RCC1: variants seen among roughly 807,000 people sequenced by gnomAD.
RCC1 encodes the protein regulator of chromosome condensation 1, also known as regulator of chromosome condensation.
In RCC1, 11 loss-of-function variants were observed where a neutral mutation model predicts 44.4. The observed-to-expected ratio is 0.25, with a 90% confidence interval of 0.16 to 0.41. The LOEUF (loss-of-function observed/expected upper bound fraction) is 0.41. RCC1 is among the 10% of genes least tolerant of loss of function. The pLI is 1.00. For missense variants in RCC1, 386 were observed against 547.1 expected, an observed-to-expected ratio of 0.71 and a Z score of 2.94; for synonymous variants, 213 against 216.5, an observed-to-expected ratio of 0.98 and a Z score of 0.14.
In RCC1 at chr1:28,538,565, A is replaced by G. The variant is rs545875372; in HGVS notation, c.*558A>G. Reference sequence around the variant, plus strand: ...AATATTTGGCTCAGAACAGGTGTCCATGGGACAAAAAAGAACGATCCTCCA... The same window carrying G: ...AATATTTGGCTCAGAACAGGTGTCCGTGGGACAAAAAAGAACGATCCTCCA... On this transcript the variant is annotated 3_prime_UTR_variant, in exon 13 of 13. Coordinates refer to ENST00000683442, the MANE Select transcript of RCC1 (RefSeq NM_001381865.2). 2 of 152,402 alleles carry G rather than the reference A, an allele frequency of 1.3e-5. No individual in the cohort carries two copies. The highest frequency in any genetic ancestry group is 4.8e-5 in the African/African-American group (2 of 41,590). The allele number at this position is 152,402 out of a possible 1,614,324, so 9.4% of individuals were successfully genotyped here. A position where few individuals can be genotyped will look rare whatever the true frequency, so the allele number is the denominator to read the frequency against.
In RCC1 at chr1:28,529,260, C is replaced by T. The variant is rs542277482; in HGVS notation, c.-9-598C>T. On this transcript the variant is annotated intron_variant, in intron 4 of 12. Transcript: ENST00000683442. Reference sequence around the variant, plus strand: ...GTGCAGTGGCTCGATCTTGGCTCACCACAACCTCCACCTCGCGGGTTCAAG... The same window carrying T: ...GTGCAGTGGCTCGATCTTGGCTCACTACAACCTCCACCTCGCGGGTTCAAG... Among the ~76,000 whole-genome samples the T allele has an allele frequency of 8.1e-5, 12 of 148,002 alleles. 1 individual carries two copies. In the South Asian group the frequency reaches 2.6e-3, roughly 32 times the overall value.
At chr1:28,522,356 T>G (rs934002715) in intron 4 of RCC1, among the ~76,000 whole-genome samples, 1 of 151,874 alleles carries the variant, frequency 6.6e-6, no homozygotes, top group African/African-American at 2.4e-5. Context: ...GAAGGGAGGA[T>G]GTGATAGATA....
Position 28,538,204 on chromosome 1 carries a change from T to G in RCC1, c.*197T>G. On this transcript the variant is annotated 3_prime_UTR_variant, in exon 13 of 13. Coordinates refer to ENST00000683442, the MANE Select transcript of RCC1 (RefSeq NM_001381865.2). ...TGGAATTTTCCTGGGACCTACAGAA[T>G]AAAGGGGGGGATGGACAGGGGGTTT... is the stretch of plus-strand genomic sequence containing the variant. 6 of 377,344 alleles carry G rather than the reference T, an allele frequency of 1.6e-5. No individual in the cohort carries two copies. Among genetic ancestry groups the G allele is most frequent in the East Asian group, 5.6e-5 (1 of 17,766 alleles). 23.4% of individuals were successfully genotyped at this position (377,344 alleles called of 1,614,324 possible).
intron 4 of RCC1, among the ~76,000 whole-genome samples, chr1:28,525,770 C>T (rs896839368): frequency 6.6e-6 from 1 of 152,140 alleles, no homozygotes; most frequent in African/African-American, 2.4e-5. Flanking sequence ...AGTTCTCCTT[C>T]CCCAGGATAA....
chr1:28,507,362 T>C, intron 1 of RCC1: 1 of 519,076 alleles, frequency 1.9e-6, no homozygotes, highest in Non-Finnish European at 3.8e-6. Flanking sequence ...GTTACACTGA[T>C]TGTCCAACGT....
intron 1 of RCC1, chr1:28,507,402 G>T (rs761219771): frequency 1.3e-5 from 7 of 519,038 alleles, no homozygotes; most frequent in South Asian, 8.4e-5. Context: ...CTCTCCCCGG[G>T]CTCTGTCCAA....
intron 3 of RCC1, among the ~76,000 whole-genome samples, chr1:28,515,735 C>T (rs1395055067): frequency 6.6e-6 from 1 of 151,640 alleles, no homozygotes; most frequent in Non-Finnish European, 1.5e-5. Context: ...ATAAAAAATA[C>T]AAATACAAAA....
rs142087743 is a variant in RCC1, at chr1:28,535,305, T to C, written c.586T>C (p.Leu196=). 1.1e-5 allele frequency: 18 copies of C among 1,614,184 alleles called. No homozygotes were observed. In the East Asian group the frequency reaches 4.0e-4, roughly 36 times the overall value. Residue 196 remains leucine, a synonymous_variant, in exon 9 of 13, where the codon TTG becomes CTG. Coordinates refer to ENST00000683442, the MANE Select transcript of RCC1 (RefSeq NM_001381865.2). The part of the protein sequence containing the change: ...MLTADGDLYT[L]GCGEQGQLGR... The stretch of plus-strand genomic sequence containing the variant: ...GACAGCTGATGGTGACCTCTACACC[T>C]TGGGCTGCGGGGAACAGGGCCAGCT...
chr1:28,535,077 G>A lies in RCC1; in HGVS notation c.469G>A (p.Glu157Lys). ...RDNNGVIGLL[E>K]PMKKSMVPVQ... is the part of the protein sequence containing the mutation. ...CAATAACGGTGTGATTGGACTGTTG[G>A]AGCCCATGAAGAAGAGCATGGTGCC... The change falls in exon 8 of 13, where the codon GAG becomes AAG. Residue 157 changes from glutamate to lysine, a missense_variant. Physicochemically the swap from Glu to Lys is moderately conservative, Grantham distance 56. Coordinates refer to ENST00000683442, the MANE Select transcript of RCC1 (RefSeq NM_001381865.2). The A allele has an allele frequency of 6.2e-7, 1 of 1,614,106 alleles. No individual in the cohort carries two copies. Among genetic ancestry groups the A allele is most frequent in the Non-Finnish European group, 8.5e-7 (1 of 1,179,996 alleles).
intron 3 of RCC1, chr1:28,509,782 T>C (rs905239781): frequency 3.3e-5 from 5 of 152,172 alleles, no homozygotes; most frequent in African/African-American, 4.8e-5. Flanking sequence ...TCACTTTATA[T>C]TGGCAGTTTA....
chr1:28,513,030 C>T (rs1157212153), intron 3 of RCC1, among the ~76,000 whole-genome samples: 3 of 151,768 alleles, frequency 2.0e-5, no homozygotes, highest in Non-Finnish European at 4.4e-5. Context: ...GCCTCGGCCT[C>T]CCAAAGTGCT....
At chr1:28,509,531 G>C (rs969372020) in intron 3 of RCC1, 6 of 152,322 alleles carry the variant, frequency 3.9e-5, no homozygotes, top group Admixed American at 6.5e-5. Flanking sequence ...GAGCCACCCT[G>C]CCCGGCCACT....
At chr1:28,506,126 C>T (rs1661896937) in intron 1 of RCC1, 42 bp downstream of exon 1, 1 of 454,706 alleles carries the variant, frequency 2.2e-6, no homozygotes. Flanking sequence ...TGCTTGCCAC[C>T]GGAGTTGTGG....
intron 3 of RCC1, among the ~76,000 whole-genome samples, chr1:28,514,480 G>A (rs993200353): frequency 2.0e-5 from 3 of 147,746 alleles, no homozygotes; most frequent in Non-Finnish European, 3.0e-5. Flanking sequence ...ACCTTCTGGC[G>A]GCCTGGTGTG....
chr1:28,533,840 CTTTTCTTTTTTTTTTTTTTTTTTTTTTTT>C (rs1664353638), intron 7 of RCC1, among the ~76,000 whole-genome samples: 9 of 32,674 alleles, frequency 2.8e-4, no homozygotes, highest in African/African-American at 7.6e-4. Flanking sequence ...CTTTTCTTTT[CTTTTCTTTTTTTTTTTTTTTTTTTTTTTT>C]TTTTTTTTTT....
In RCC1 at chr1:28,538,091, G is replaced by T; in HGVS notation, c.*84G>T. 15 of 1,306,424 alleles carry T rather than the reference G, an allele frequency of 1.1e-5. No homozygotes were observed. The highest frequency in any genetic ancestry group is 1.2e-5 in the Non-Finnish European group (11 of 940,780). 80.9% of individuals were successfully genotyped at this position (1,306,424 alleles called of 1,614,324 possible). On this transcript the variant is annotated 3_prime_UTR_variant, in exon 13 of 13. Transcript: ENST00000683442. The stretch of plus-strand genomic sequence containing the variant: ...CAGTGACAGCTGCAGATGGCAGCGG[G>T]CCTCTCCCCAGCCCTGAGCACTGTG...
intron 3 of RCC1, among the ~76,000 whole-genome samples, chr1:28,514,598 C>T (rs1209934454): frequency 6.6e-6 from 1 of 150,936 alleles, no homozygotes; most frequent in Non-Finnish European, 1.5e-5. Context: ...CCCGTCTCTA[C>T]TAAAAATACA....
At chr1:28,507,851 A>C (rs866687483) in intron 1 of RCC1, 94 of 303,648 alleles carry the variant, frequency 3.1e-4, no homozygotes, top group African/African-American at 1.8e-3. Context: ...GTGATCCGCC[A>C]GCCTCTGGCC....
intron 4 of RCC1, among the ~76,000 whole-genome samples, chr1:28,519,398 G>T (rs1307420137): frequency 6.6e-6 from 1 of 152,094 alleles, no homozygotes; most frequent in Non-Finnish European, 1.5e-5. Context: ...CTGGACAGAT[G>T]AATTAGGAGT....
Sources: allele counts gnomAD v4.1 joint callset (sites outside exome capture counted in the v4.1 genomes callset), GRCh38; gene constraint gnomAD v4.1.1; transcripts MANE v1.5; gene names NCBI Gene and HGNC (gene_info 2026-07-23, HGNC 2026-07-21).